ABCB4: variants seen among roughly 807,000 people sequenced by gnomAD.
ABCB4 encodes the protein ATP binding cassette subfamily B member 4.
Under a neutral mutation model 145.7 loss-of-function variants are expected in ABCB4, and 76 were observed. That is an observed-to-expected ratio of 0.52 (90% CI 0.43 to 0.63). The LOEUF (loss-of-function observed/expected upper bound fraction) is 0.63. Among genes scored for constraint, ABCB4 ranks in the 30% least tolerant of loss-of-function variants. The pLI is 0.00. For missense variants in ABCB4, 1,234 were observed against 1,553.1 expected, an observed-to-expected ratio of 0.79 and a Z score of 3.45; for synonymous variants, 517 against 566.8, an observed-to-expected ratio of 0.91 and a Z score of 1.25.
At chr7:87,469,652 A>C (rs1209636499) in intron 3 of ABCB4, among the ~76,000 whole-genome samples, 1 of 152,228 alleles carries the variant, frequency 6.6e-6, no homozygotes, top group East Asian at 1.9e-4. Flanking sequence ...CTAGGAATCC[A>C]ACTTACAAGG....
At chr7:87,449,832 C>T in intron 8 of ABCB4, 136 bp downstream of exon 8, 2 of 1,274,544 alleles carry the variant, frequency 1.6e-6, no homozygotes, top group Non-Finnish European at 2.2e-6. Context: ...CTATAGCCAT[C>T]AGTAAAGGGT....
rs1809483671 is a variant in ABCB4 at position 87,422,135 on chromosome 7, T to C, written c.2302A>G (p.Thr768Ala). 4 of 1,609,740 alleles carry C rather than the reference T, an allele frequency of 2.5e-6. No homozygotes were observed. Among genetic ancestry groups the C allele is most frequent in the Non-Finnish European group, 8.5e-7 (1 of 1,176,918 alleles). The stretch of plus-strand genomic sequence containing the variant: ...TGGGTACCTACCTGAAGGAAGAAAG[T>C]AAAAAAAGAAATAATTCCCAGAAAT... ...FLFLGIISFF[T>A]FFLQGFTFGK... Residue 768 changes from threonine to alanine, a missense_variant, in exon 18 of 28, where the codon ACT (threonine) becomes GCT (alanine). Physicochemically the swap from Thr to Ala is moderately conservative, Grantham distance 58. Coordinates refer to ENST00000649586, the MANE Select transcript of ABCB4 (RefSeq NM_000443.4).
the ABCB4 span, among the ~76,000 whole-genome samples, chr7:87,367,215 T>C: frequency 6.6e-6 from 1 of 152,208 alleles, no homozygotes; most frequent in Non-Finnish European, 1.5e-5. Context: ...ACAAGGGTCC[T>C]TATTCATGGA....
intron 8 of ABCB4, among the ~76,000 whole-genome samples, chr7:87,449,682 C>T (rs1811578243): frequency 6.6e-6 from 1 of 152,074 alleles, no homozygotes; most frequent in African/African-American, 2.4e-5. Flanking sequence ...CAGCTACCCT[C>T]CTGCCTTGGC....
Position 87,437,755 on chromosome 7 carries a change from G to A in ABCB4, c.1731+1912C>T, listed in dbSNP as rs532786333. ...CCAAGGACACAGCTAGAAAAGAACAGAGCCAGGACTCCAATCCCAGCCTAG... is the reference window on the plus strand; with the variant it reads ...CCAAGGACACAGCTAGAAAAGAACAAAGCCAGGACTCCAATCCCAGCCTAG... On this transcript the variant is annotated intron_variant, in intron 14 of 27. Coordinates refer to ENST00000649586, the MANE Select transcript of ABCB4 (RefSeq NM_000443.4). Among the ~76,000 whole-genome samples the A allele has an allele frequency of 2.0e-5, 3 of 152,294 alleles. No homozygotes were observed. In the South Asian group the frequency reaches 6.2e-4, roughly 32 times the overall value.
chr7:87,379,066 A>G, the ABCB4 span, among the ~76,000 whole-genome samples: 2 of 152,004 alleles, frequency 1.3e-5, no homozygotes, highest in African/African-American at 4.8e-5. Flanking sequence ...ATTCTCCTTG[A>G]CCTTCCTCAG....
At chr7:87,375,653 G>C in the ABCB4 span, 1 of 1,613,090 alleles carries the variant, frequency 6.2e-7, no homozygotes, top group East Asian at 2.2e-5. Context: ...ATATCCACAA[G>C]AAGTGCCATA....
At chr7:87,407,930 C>T in intron 25 of ABCB4, 107 bp downstream of exon 25, 1 of 1,440,362 alleles carries the variant, frequency 6.9e-7, no homozygotes. Flanking sequence ...GTCATTGTAT[C>T]AAACAGGATT....
At position 87,472,655 on chromosome 7, in the gene ABCB4, G is replaced by A. The variant is rs142794414; in HGVS notation, c.101C>T (p.Thr34Met). ...GISSKQKRKKTKTVKMIGVLT... is the reference protein window; with the variant it reads ...GISSKQKRKKMKTVKMIGVLT... ...TACTCCAATCATTTTCACTGTCTTC[G>A]TTTTTTTCCTTTTTTGTTTGCTGTA... The change falls in exon 3 of 28, where the codon ACG (threonine) becomes ATG (methionine). Residue 34 changes from threonine (T) to methionine (M), a missense_variant. Physicochemically the swap from Thr to Met is moderately conservative, Grantham distance 81 (BLOSUM62 -1). This residue lies in a region of ABCB4 where 77 missense variants were observed against 73.3 expected (regional missense o/e 1.05). Transcript: ENST00000649586. 3.2e-4 allele frequency: 519 copies of A among 1,608,124 alleles called. No homozygotes were observed. The African/African-American group carries it at 4.4e-3, about 14-fold the overall frequency.
In ABCB4 at chr7:87,413,641, A is replaced by G. The variant is rs1402471750; in HGVS notation, c.2759T>C (p.Val920Ala). Residue 920 changes from valine (V) to alanine (A), a missense_variant, in exon 22 of 28, where the codon GTT becomes GCT. Physicochemically the swap from Val to Ala is moderately conservative, Grantham distance 64. Coordinates refer to ENST00000649586, the MANE Select transcript of ABCB4 (RefSeq NM_000443.4). ...CCTGTAAGGTCCATACAATTTTTCA[A>G]CATACATTGATTCAAATTTTCTTTC... ...TQERKFESMY[V>A]EKLYGPYRNS... 1 of 1,610,610 alleles carries G rather than the reference A, an allele frequency of 6.2e-7. No individual in the cohort carries two copies. Among genetic ancestry groups the G allele is most frequent in the African/African-American group, 1.3e-5 (1 of 74,832 alleles).
At chr7:87,411,195 C>T (rs761548576) in intron 23 of ABCB4, among the ~76,000 whole-genome samples, 9 of 151,764 alleles carry the variant, frequency 5.9e-5, no homozygotes, top group Non-Finnish European at 1.0e-4. Flanking sequence ...AACACACTTT[C>T]GCTTTTTTGT....
intron 3 of ABCB4, among the ~76,000 whole-genome samples, chr7:87,469,850 T>G (rs181266997): frequency 0.024 from 3,628 of 151,744 alleles, 134 homozygotes; most frequent in African/African-American, 0.083. Context: ...ACTTTCTTCA[T>G]AGAATTGGAA....
At chr7:87,397,670 G>T (rs543428290), downstream of ABCB4, among the ~76,000 whole-genome samples, 19 of 152,186 alleles carry the variant, frequency 1.2e-4, no homozygotes, top group African/African-American at 3.9e-4. Context: ...CTTCCTAAAG[G>T]TTTCTGTATT....
At chr7:87,429,828 C>T (rs1245909148) in intron 15 of ABCB4, among the ~76,000 whole-genome samples, 3 of 150,928 alleles carry the variant, frequency 2.0e-5, no homozygotes, top group Non-Finnish European at 2.9e-5. Context: ...TTCGTCATTT[C>T]ATTTGGTATT....
At chr7:87,386,752 G>A in the ABCB4 span, among the ~76,000 whole-genome samples, 1 of 152,140 alleles carries the variant, frequency 6.6e-6, no homozygotes, top group African/African-American at 2.4e-5. Flanking sequence ...CCGTAACACT[G>A]CTGAACAACC....
chr7:87,398,233 G>T, downstream of ABCB4: 1 of 546,974 alleles, frequency 1.8e-6, no homozygotes, highest in Admixed American at 2.3e-5. Flanking sequence ...TAGGAAGGAG[G>T]TTTTTTGTTC....
chr7:87,438,011 G>A (rs1156783202), intron 14 of ABCB4, among the ~76,000 whole-genome samples: 1 of 152,088 alleles, frequency 6.6e-6, no homozygotes, highest in South Asian at 2.1e-4. Context: ...TCTGGCAGAG[G>A]TCATATTATG....
rs989262536 is a variant in ABCB4, at chr7:87,475,643, C to G, written c.-16G>C. ...CCCGGACCTCTCTCACCTCGAACCTCGCGCGTGTCTGGCAGGGCCTCTGGA... is the reference window on the plus strand; with the variant it reads ...CCCGGACCTCTCTCACCTCGAACCTGGCGCGTGTCTGGCAGGGCCTCTGGA... On this transcript the variant is annotated 5_prime_UTR_variant, in exon 1 of 28. Coordinates refer to ENST00000649586, the MANE Select transcript of ABCB4 (RefSeq NM_000443.4). 4.5e-6 allele frequency: 3 copies of G among 669,480 alleles called. No individual in the cohort carries two copies. Among genetic ancestry groups the G allele is most frequent in the Non-Finnish European group, 7.9e-6 (3 of 379,936 alleles). 41.5% of individuals were successfully genotyped at this position (669,480 alleles called of 1,614,324 possible).
At position 87,406,275 on chromosome 7, in the gene ABCB4, C is replaced by G. The variant is rs761147638; in HGVS notation, c.3486+13G>C. ...AAGTAGTCTCTTCTGATTTCAGCTA[C>G]TCTTTAACTTACGTGGGGTAACGTC... On this transcript the variant is annotated intron_variant, in intron 26 of 27. Transcript: ENST00000649586. 2 of 1,613,412 alleles carry G rather than the reference C, an allele frequency of 1.2e-6. No homozygotes were observed. The highest frequency in any genetic ancestry group is 2.2e-5 in the East Asian group (1 of 44,872).
Sources: allele counts gnomAD v4.1 joint callset (sites outside exome capture counted in the v4.1 genomes callset), GRCh38; gene constraint gnomAD v4.1.1; regional missense constraint gnomAD v4.1.1; transcripts MANE v1.5; gene names NCBI Gene and HGNC (gene_info 2026-07-23, HGNC 2026-07-21).